Variants in RUNX3 observed in about 807,000 individuals in gnomAD.
RUNX3 encodes the protein RUNX family transcription factor 3.
In RUNX3, 10 loss-of-function variants were observed where a neutral mutation model predicts 27.7. That is an observed-to-expected ratio of 0.36 (90% CI 0.22 to 0.61). The LOEUF (loss-of-function observed/expected upper bound fraction) is 0.61, where lower values mean the gene tolerates loss of function less well. Ranked by LOEUF, RUNX3 falls within the 20% of genes least tolerant of loss-of-function variation. RUNX3 has a pLI of 0.72. For missense variants in RUNX3, 469 were observed against 629.5 expected (o/e 0.75, Z 2.73); for synonymous variants, 270 against 269.2 (o/e 1.00, Z -0.03).
At chr1:24,925,831 C>T (rs947885248) in intron 2 of RUNX3, among the ~76,000 whole-genome samples, 1 of 152,144 alleles carries the variant, frequency 6.6e-6, no homozygotes, top group East Asian at 1.9e-4. Flanking sequence ...GTCCCAGCCT[C>T]GGCCATTCCT....
chr1:24,920,021 C>T (rs1197136676), intron 2 of RUNX3, among the ~76,000 whole-genome samples: 2 of 152,026 alleles, frequency 1.3e-5, no homozygotes, highest in South Asian at 2.1e-4. Flanking sequence ...TCCTTACTCT[C>T]GGGTATTTAC....
intron 3 of RUNX3, among the ~76,000 whole-genome samples, chr1:24,910,110 G>C (rs989348722): frequency 5.3e-5 from 8 of 152,054 alleles, no homozygotes; most frequent in Non-Finnish European, 1.5e-5. Context: ...CCAATATGGT[G>C]AAACCCCGTC....
At chr1:24,924,769 A>G (rs1203213420) in intron 2 of RUNX3, among the ~76,000 whole-genome samples, 1 of 152,202 alleles carries the variant, frequency 6.6e-6, no homozygotes, top group African/African-American at 2.4e-5. Context: ...AGGTTTCATT[A>G]TTTATACATT....
chr1:24,947,068 C>T (rs923786074), intron 2 of RUNX3, among the ~76,000 whole-genome samples: 5 of 152,174 alleles, frequency 3.3e-5, no homozygotes, highest in Non-Finnish European at 5.9e-5. Flanking sequence ...GAGCTCACCA[C>T]GTGCCAGACC....
chr1:24,964,539 C>T (rs778830518), exon 2 of RUNX3: 44 of 1,611,648 alleles, frequency 2.7e-5, no homozygotes, highest in Non-Finnish European at 3.4e-5. Flanking sequence ...GCGAGTAGGT[C>T]GGGAAGGAGT....
intron 2 of RUNX3, chr1:24,961,936 T>A (rs1642124337): frequency 6.6e-6 from 1 of 152,202 alleles, no homozygotes; most frequent in African/African-American, 2.4e-5. Context: ...CGAGTAAGAT[T>A]CTGAGAACCC....
intron 4 of RUNX3, among the ~76,000 whole-genome samples, chr1:24,906,077 C>T (rs1640659445): frequency 6.6e-6 from 1 of 152,246 alleles, no homozygotes; most frequent in Admixed American, 6.5e-5. Context: ...TGAAGGCCTG[C>T]ATCCAGCCCC....
At chr1:24,942,363 A>C (rs901254750) in intron 2 of RUNX3, among the ~76,000 whole-genome samples, 3 of 152,236 alleles carry the variant, frequency 2.0e-5, no homozygotes, top group Non-Finnish European at 2.9e-5. Context: ...CAGGGCAGAC[A>C]GAAGACAGAC....
At chr1:24,952,017 A>G (rs1418408870) in intron 2 of RUNX3, among the ~76,000 whole-genome samples, 1 of 152,216 alleles carries the variant, frequency 6.6e-6, no homozygotes, top group African/African-American at 2.4e-5. Context: ...ACACTTAGAC[A>G]GTGGCTGACA....
chr1:24,952,578 C>T (rs996132685), intron 2 of RUNX3, among the ~76,000 whole-genome samples: 1 of 152,182 alleles, frequency 6.6e-6, no homozygotes, highest in Non-Finnish European at 1.5e-5. Context: ...TAGGAAATGG[C>T]AAGGGGAGTC....
chr1:24,955,169 T>C (rs1413225797), intron 2 of RUNX3, among the ~76,000 whole-genome samples: 2 of 152,140 alleles, frequency 1.3e-5, no homozygotes, highest in Non-Finnish European at 2.9e-5. Context: ...CCACCCTTTC[T>C]AGAAAGACTT....
chr1:24,903,368 G>C (rs1003918720), intron 4 of RUNX3, among the ~76,000 whole-genome samples: 6 of 152,158 alleles, frequency 3.9e-5, no homozygotes, highest in Non-Finnish European at 7.4e-5. Context: ...GCCGACTCGT[G>C]GCCACACAGT....
intron 2 of RUNX3, among the ~76,000 whole-genome samples, chr1:24,948,792 G>C (rs887610719): frequency 6.6e-6 from 1 of 152,058 alleles, no homozygotes; most frequent in African/African-American, 2.4e-5. Flanking sequence ...GGGTACATGT[G>C]GGGAGGCCAC....
At chr1:24,946,101 G>A (rs1306177427) in intron 2 of RUNX3, among the ~76,000 whole-genome samples, 8 of 152,154 alleles carry the variant, frequency 5.3e-5, no homozygotes, top group African/African-American at 1.4e-4. Context: ...GTGAATGAAC[G>A]AATGCTGTTT....
chr1:24,942,850 C>G (rs905567755), intron 2 of RUNX3, among the ~76,000 whole-genome samples: 2 of 152,244 alleles, frequency 1.3e-5, no homozygotes, highest in African/African-American at 4.8e-5. Flanking sequence ...CGCCTCCCAG[C>G]CTGGTGCTCC....
chr1:24,955,624 G>A (rs1197977074), intron 2 of RUNX3, among the ~76,000 whole-genome samples: 1 of 152,210 alleles, frequency 6.6e-6, no homozygotes, highest in Non-Finnish European at 1.5e-5. Context: ...GCTAAGGTCT[G>A]GGCTGAATCT....
intron 2 of RUNX3, among the ~76,000 whole-genome samples, chr1:24,960,671 G>T (rs543356549): frequency 2.0e-5 from 3 of 151,974 alleles, no homozygotes; most frequent in South Asian, 2.1e-4. Flanking sequence ...CTGGTGTGAG[G>T]GGGGGGTGCC....
chr1:24,929,462 G>T (rs896314322), intron 1 of RUNX3, 125 bp downstream of exon 1: 1 of 970,836 alleles, frequency 1.0e-6, no homozygotes, highest in Admixed American at 2.0e-5. Context: ...TGAACCGGGT[G>T]CCCGGGTGTC....
intron 2 of RUNX3, among the ~76,000 whole-genome samples, chr1:24,957,692 T>C (rs1267641676): frequency 4.6e-5 from 7 of 152,234 alleles, no homozygotes; most frequent in Admixed American, 3.9e-4. Flanking sequence ...TGGCATTCCA[T>C]GAGGGCTTGT....
Sources: allele counts gnomAD v4.1 joint callset (sites outside exome capture counted in the v4.1 genomes callset), GRCh38; gene constraint gnomAD v4.1.1; transcripts MANE v1.5; gene names NCBI Gene and HGNC (gene_info 2026-07-23, HGNC 2026-07-21).